The following PDGFD variants were observed in gnomAD, a reference collection of about 807,000 sequenced individuals.
The protein encoded by PDGFD is platelet-derived growth factor D.
In PDGFD, 30 loss-of-function variants were observed where a neutral mutation model predicts 44.7. The ratio of observed to expected loss-of-function variants is 0.67; its 90% CI spans 0.50 to 0.91. The LOEUF is 0.91. Ranked by LOEUF, PDGFD falls within the 40% of genes least tolerant of loss-of-function variation. The pLI, the probability that PDGFD is intolerant of heterozygous loss-of-function variation, is 0.00. For missense variants in PDGFD, 445 were observed against 457.8 expected (o/e 0.97, Z 0.25); for synonymous variants, 173 against 168.4 (o/e 1.03, Z -0.21).
intron 3 of PDGFD, among the ~76,000 whole-genome samples, chr11:103,953,616 C>T (rs79641049): frequency 0.029 from 4,360 of 152,150 alleles, 197 homozygotes; most frequent in African/African-American, 0.099. Context: ...ACAGACAAGA[C>T]TTTAGGGGTA....
chr11:104,105,417 T>C (rs1861457622), intron 1 of PDGFD, among the ~76,000 whole-genome samples: 1 of 152,044 alleles, frequency 6.6e-6, no homozygotes, highest in South Asian at 2.1e-4. Flanking sequence ...CTCACTTAGA[T>C]GAAGGCATTA....
rs561672038 is a variant in PDGFD, at chr11:104,000,574, G to A, written c.125-319C>T. 8.8e-3 allele frequency among the ~76,000 whole-genome samples: 799 copies of A among 90,284 alleles called. 3 individuals are homozygous for A. Among genetic ancestry groups the A allele is most frequent in the Non-Finnish European group, 0.015 (599 of 41,182 alleles). The allele number at this position is 90,284 out of a possible 152,430, so 59.2% of individuals were successfully genotyped here. ...GATATTCTCCGATGGGTAACCTTCT[G>A]CCTTCTATTAAACAAACAACACATC... On this transcript the variant is annotated intron_variant, in intron 1 of 6. Transcript: ENST00000393158.
chr11:104,079,061 G>T (rs936643968), intron 1 of PDGFD, among the ~76,000 whole-genome samples: 1 of 152,134 alleles, frequency 6.6e-6, no homozygotes, highest in African/African-American at 2.4e-5. Context: ...TTAGCAGAGT[G>T]ATTTAATTTT....
chr11:104,126,993 G>A (rs1194225902), intron 1 of PDGFD, among the ~76,000 whole-genome samples: 3 of 152,048 alleles, frequency 2.0e-5, no homozygotes. Flanking sequence ...TAGAAGGGGA[G>A]TTCAGAAAGA....
chr11:103,912,301 C>A (rs1350989244), intron 6 of PDGFD, among the ~76,000 whole-genome samples: 1 of 152,182 alleles, frequency 6.6e-6, no homozygotes, highest in Non-Finnish European at 1.5e-5. Context: ...CCCTACAAGC[C>A]AGAAGAGAGT....
At chr11:103,986,748 A>C (rs1859371150) in intron 3 of PDGFD, among the ~76,000 whole-genome samples, 1 of 152,226 alleles carries the variant, frequency 6.6e-6, no homozygotes, top group Admixed American at 6.5e-5. Context: ...ACTGGGGACT[A>C]AACTGTCTTT....
intron 1 of PDGFD, among the ~76,000 whole-genome samples, chr11:104,131,564 A>G (rs912097360): frequency 6.6e-6 from 1 of 152,126 alleles, no homozygotes; most frequent in Non-Finnish European, 1.5e-5. Flanking sequence ...AGTCTACACC[A>G]TAATAAGTAT....
At chr11:104,021,175 G>A (rs1436950599) in intron 1 of PDGFD, among the ~76,000 whole-genome samples, 5 of 152,104 alleles carry the variant, frequency 3.3e-5, no homozygotes, top group African/African-American at 4.8e-5. Context: ...AGTGGTCTAC[G>A]GAAAACTAGG....
At chr11:103,949,704 A>G (rs1858720173) in intron 3 of PDGFD, among the ~76,000 whole-genome samples, 1 of 152,234 alleles carries the variant, frequency 6.6e-6, no homozygotes, top group African/African-American at 2.4e-5. Context: ...AGGAATTCGA[A>G]ACGTAAACAC....
chr11:103,959,198 T>C (rs1858900175), intron 3 of PDGFD, among the ~76,000 whole-genome samples: 1 of 152,180 alleles, frequency 6.6e-6, no homozygotes, highest in Admixed American at 6.5e-5. Context: ...CCTCTACACA[T>C]TCATCCTTAT....
At chr11:104,014,655 T>C in intron 1 of PDGFD, among the ~76,000 whole-genome samples, 1 of 152,198 alleles carries the variant, frequency 6.6e-6, no homozygotes, top group Admixed American at 6.5e-5. Flanking sequence ...TGGGATTGTG[T>C]GTGCCTACAT....
chr11:104,114,682 T>C (rs995830607), intron 1 of PDGFD, among the ~76,000 whole-genome samples: 6 of 151,978 alleles, frequency 3.9e-5, no homozygotes, highest in African/African-American at 1.4e-4. Context: ...ATGAATCAAG[T>C]TGGAAAGAAC....
In PDGFD at chr11:103,963,794, ACAAT is replaced by A. The variant is rs1229532450; in HGVS notation, c.511-16074_511-16071del. On this transcript the variant is annotated intron_variant, in intron 3 of 6. Coordinates refer to ENST00000393158, the MANE Select transcript of PDGFD (RefSeq NM_025208.5). Reference sequence around the variant, plus strand: ...GAAATAAAGAAATTTAAAGATAAAAACAATCTATGCATATGCTAGCTAATTTATG... The same window carrying A: ...GAAATAAAGAAATTTAAAGATAAAAACTATGCATATGCTAGCTAATTTATG... Among the ~76,000 whole-genome samples the A allele has an allele frequency of 2.0e-5, 3 of 152,296 alleles. No individual in the cohort carries two copies. The East Asian group carries it at 5.8e-4, about 29-fold the overall frequency.
rs1861942334 is a variant in PDGFD at position 104,132,753 on chromosome 11, G to A, written c.124+31051C>T. On this transcript the variant is annotated intron_variant, in intron 1 of 6. Transcript: ENST00000393158. ...TAACCCAGAATTCACTGTGGGACAG[G>A]AAATGGAGATTATGAGTACAATTAG... Among the ~76,000 whole-genome samples, 4 of 152,002 alleles carry A rather than the reference G, an allele frequency of 2.6e-5. 1 individual carries two copies. Among genetic ancestry groups the A allele is most frequent in the Admixed American group, 1.3e-4 (2 of 15,266 alleles).
At position 103,922,749 on chromosome 11, in the gene PDGFD, A is replaced by AT. The variant is rs1303713494; in HGVS notation, c.987+4162dup. ...AATTCCTTTTTTTTATTATTTATTT[A>AT]TTTTTTTTTTAGAGATGGGGGGGTC... On this transcript the variant is annotated intron_variant, in intron 6 of 6. Coordinates refer to ENST00000393158, the MANE Select transcript of PDGFD (RefSeq NM_025208.5). 3.5e-3 allele frequency among the ~76,000 whole-genome samples: 519 copies of AT among 148,092 alleles called. 1 individual carries two copies. The highest frequency in any genetic ancestry group is 8.5e-3 in the East Asian group (43 of 5,046).
intron 1 of PDGFD, among the ~76,000 whole-genome samples, chr11:104,070,996 A>G (rs1051352762): frequency 6.6e-6 from 1 of 152,118 alleles, no homozygotes; most frequent in African/African-American, 2.4e-5. Flanking sequence ...GTACCAATGA[A>G]TATTTCTACC....
intron 1 of PDGFD, among the ~76,000 whole-genome samples, chr11:104,079,873 G>A (rs1358358088): frequency 6.6e-6 from 1 of 152,132 alleles, no homozygotes; most frequent in Non-Finnish European, 1.5e-5. Flanking sequence ...ATGATTTAAT[G>A]GCATTTATGC....
intron 6 of PDGFD, among the ~76,000 whole-genome samples, chr11:103,922,553 C>CG (rs934237123): frequency 6.6e-6 from 1 of 151,706 alleles, no homozygotes; most frequent in African/African-American, 2.4e-5. Flanking sequence ...AGAATTCCCC[C>CG]CCGCCTTTTT....
intron 1 of PDGFD, among the ~76,000 whole-genome samples, chr11:104,050,148 A>C (rs539649603): frequency 6.6e-6 from 1 of 152,204 alleles, no homozygotes; most frequent in Non-Finnish European, 1.5e-5. Context: ...TAATTCATAC[A>C]GCACAGTTCT....
Sources: allele counts gnomAD v4.1 joint callset (sites outside exome capture counted in the v4.1 genomes callset), GRCh38; gene constraint gnomAD v4.1.1; transcripts MANE v1.5; gene names NCBI Gene and HGNC (gene_info 2026-07-23, HGNC 2026-07-21).